The following TMEM217B variants were observed in gnomAD, a reference collection of about 807,000 sequenced individuals.
TMEM217B encodes the protein putative transmembrane protein 217B.
chr6:37,257,761 G>T, the TMEM217B span: 3 of 753,446 alleles, frequency 4.0e-6, no homozygotes, highest in Admixed American at 5.1e-5. Flanking sequence ...GTGCTGGGTG[G>T]AGGGGTGCCC....
the TMEM217B span, among the ~76,000 whole-genome samples, chr6:37,220,263 A>C: frequency 1.3e-5 from 2 of 152,216 alleles, no homozygotes; most frequent in South Asian, 4.1e-4. Context: ...GAAGGAAGTA[A>C]ATTTTGCTCT....
the TMEM217B span, among the ~76,000 whole-genome samples, chr6:37,245,531 G>A: frequency 1.3e-5 from 2 of 152,232 alleles, no homozygotes; most frequent in Admixed American, 6.5e-5. Flanking sequence ...GGAAGGTTGG[G>A]AAAATAAGTA....
At chr6:37,248,594 C>T in the TMEM217B span, among the ~76,000 whole-genome samples, 1 of 152,170 alleles carries the variant, frequency 6.6e-6, no homozygotes, top group Admixed American at 6.5e-5. Flanking sequence ...TCAGGCAAGC[C>T]TCTTCCTCTC....
At chr6:37,222,848 G>GT in the TMEM217B span, among the ~76,000 whole-genome samples, 1 of 152,258 alleles carries the variant, frequency 6.6e-6, no homozygotes, top group South Asian at 2.1e-4. Context: ...TCCATGGAGT[G>GT]TGTAACCCTA....
chr6:37,218,584 A>ATAACCT, the TMEM217B span: 2 of 1,614,224 alleles, frequency 1.2e-6, no homozygotes, highest in Non-Finnish European at 1.7e-6. Context: ...TTATGTGGGC[A>ATAACCT]TAGTTGATGA....
At chr6:37,218,270 G>A in the TMEM217B span, 2 of 1,237,996 alleles carry the variant, frequency 1.6e-6, no homozygotes, top group Non-Finnish European at 1.1e-6. Flanking sequence ...CCCAGGTCAA[G>A]TGATTCTCCA....
the TMEM217B span, among the ~76,000 whole-genome samples, chr6:37,240,117 G>A: frequency 6.6e-6 from 1 of 152,166 alleles, no homozygotes; most frequent in East Asian, 1.9e-4. Context: ...TGACTGTTTT[G>A]CCCTCTGAAC....
At chr6:37,213,100 GGT>G in the TMEM217B span, 1 of 796,404 alleles carries the variant, frequency 1.3e-6, no homozygotes, top group South Asian at 1.8e-5. Flanking sequence ...GAGCAATGAT[GGT>G]GTGTGGACAG....
At chr6:37,244,556 CTG>C in the TMEM217B span, among the ~76,000 whole-genome samples, 1 of 152,180 alleles carries the variant, frequency 6.6e-6, no homozygotes, top group Non-Finnish European at 1.5e-5. Flanking sequence ...CAGTCTTTCT[CTG>C]TGTAAGTCAG....
chr6:37,227,044 G>C, the TMEM217B span, among the ~76,000 whole-genome samples: 9 of 152,236 alleles, frequency 5.9e-5, no homozygotes, highest in Non-Finnish European at 2.9e-5. Flanking sequence ...GCCCAGGCCT[G>C]TATATCTGCA....
chr6:37,235,830 C>A, the TMEM217B span, among the ~76,000 whole-genome samples: 1 of 152,140 alleles, frequency 6.6e-6, no homozygotes, highest in African/African-American at 2.4e-5. Context: ...TCCCTCTAGT[C>A]CTTTTATAAA....
the TMEM217B span, among the ~76,000 whole-genome samples, chr6:37,237,088 C>T: frequency 2.6e-5 from 4 of 152,326 alleles, no homozygotes; most frequent in East Asian, 7.7e-4. Flanking sequence ...CCCATAGCAA[C>T]ACGTTTCCTG....
At chr6:37,218,169 C>CTTTT in the TMEM217B span, 23 of 1,014,250 alleles carry the variant, frequency 2.3e-5, no homozygotes, top group South Asian at 2.0e-4. Context: ...AAGCTGCTAA[C>CTTTT]TTTTTTTTTT....
At chr6:37,242,848 A>G in the TMEM217B span, among the ~76,000 whole-genome samples, 1 of 152,116 alleles carries the variant, frequency 6.6e-6, no homozygotes, top group Non-Finnish European at 1.5e-5. Flanking sequence ...AGTGACTCAC[A>G]CCAGTATCCC....
the TMEM217B span, chr6:37,215,081 C>T: frequency 7.3e-7 from 1 of 1,377,298 alleles, no homozygotes; most frequent in South Asian, 1.4e-5. Context: ...GCTCTGCTGC[C>T]CCAGCCTTGG....
chr6:37,236,598 T>C, the TMEM217B span, among the ~76,000 whole-genome samples: 2 of 152,214 alleles, frequency 1.3e-5, no homozygotes, highest in South Asian at 4.1e-4. Flanking sequence ...GCTTCACCAT[T>C]TACTGTGAAT....
the TMEM217B span, among the ~76,000 whole-genome samples, chr6:37,227,916 G>C: frequency 2.6e-4 from 40 of 151,974 alleles, 1 homozygote; most frequent in East Asian, 5.2e-3. Flanking sequence ...GGAAAAAAAT[G>C]ATCCAATACT....
the TMEM217B span, among the ~76,000 whole-genome samples, chr6:37,237,317 C>T: frequency 6.6e-6 from 1 of 152,142 alleles, no homozygotes; most frequent in African/African-American, 2.4e-5. Context: ...CATTCTCTGC[C>T]TCCCTCAGTC....
At chr6:37,252,537 CATGT>C in the TMEM217B span, among the ~76,000 whole-genome samples, 28 of 149,672 alleles carry the variant, frequency 1.9e-4, no homozygotes, top group African/African-American at 6.2e-4. Flanking sequence ...TATATGTCAA[CATGT>C]ATATGTTGTG....
Sources: gnomAD v4.1 joint callset for allele counts (sites outside exome capture counted in the v4.1 genomes callset) on GRCh38, gnomAD v4.1.1 for gene constraint, MANE v1.5 for transcripts, NCBI Gene and HGNC (gene_info 2026-07-23, HGNC 2026-07-21) for gene names.